The following NECTIN2 variants were observed in gnomAD, a reference collection of about 807,000 sequenced individuals.
NECTIN2 encodes nectin cell adhesion molecule 2.
NECTIN2 carries 23 observed loss-of-function variants against 56.9 expected under a neutral mutation model. The observed-to-expected ratio is 0.40, with a 90% CI of 0.29 to 0.57. NECTIN2 has a LOEUF of 0.57. NECTIN2 is among the 20% of genes least tolerant of loss of function. The probability of loss-of-function intolerance (pLI) is 0.38; values close to 1 mark genes in which losing one functional copy is unlikely to be tolerated. For missense variants in NECTIN2, 587 were observed against 718.3 expected (o/e 0.82, Z 2.09); for synonymous variants, 302 against 313.8 (o/e 0.96, Z 0.40).
At chr19:44,882,690 CAA>C (rs35741405) in intron 6 of NECTIN2, among the ~76,000 whole-genome samples, 63 of 38,320 alleles carry the variant, frequency 1.6e-3, no homozygotes, top group African/African-American at 5.6e-3. Flanking sequence ...CCCCCATCTA[CAA>C]AAAAAAAAAA....
In NECTIN2 at chr19:44,871,981, G is replaced by A. The variant is rs556933455; in HGVS notation, c.607G>A (p.Glu203Lys). 5.8e-5 allele frequency: 94 copies of A among 1,614,154 alleles called. No individual in the cohort carries two copies. In the Middle Eastern group the frequency reaches 5.8e-3, roughly 99 times the overall value. Residue 203 changes from glutamate to lysine, a missense_variant, in exon 3 of 9, where the codon GAA becomes AAA. Glu to Lys is a moderately conservative substitution (Grantham distance 56). Transcript: ENST00000252483. Reference protein sequence around the residue: ...RISWLSSLDWEAKETQVSGTL... With the variant: ...RISWLSSLDWKAKETQVSGTL... ...CTCCTGGCTCTCATCCCTGGACTGG[G>A]AAGCCAAAGAGACTCAGGTGTCAGG...
At chr19:44,884,300 C>T (rs2122713149) in intron 6 of NECTIN2, among the ~76,000 whole-genome samples, 1 of 152,030 alleles carries the variant, frequency 6.6e-6, no homozygotes, top group South Asian at 2.1e-4. Context: ...TAAATGGGAC[C>T]ACGTACCACC....
intron 2 of NECTIN2, among the ~76,000 whole-genome samples, chr19:44,870,282 G>A (rs3852857): frequency 1.6e-4 from 24 of 152,042 alleles, no homozygotes; most frequent in African/African-American, 5.8e-4. Context: ...CGGGCCCTGA[G>A]TCACTATTCT....
chr19:44,858,677 CTG>C (rs998042756), intron 1 of NECTIN2, among the ~76,000 whole-genome samples: 26 of 151,732 alleles, frequency 1.7e-4, no homozygotes, highest in African/African-American at 6.1e-4. Flanking sequence ...GAGTCTCTCT[CTG>C]TCACCCAGGC....
intron 8 of NECTIN2, among the ~76,000 whole-genome samples, chr19:44,887,663 G>A (rs1011134095): frequency 6.6e-6 from 1 of 152,022 alleles, no homozygotes; most frequent in Admixed American, 6.6e-5. Context: ...AAAAAAAACA[G>A]AATGAAAGAA....
chr19:44,885,939 T>G lies in NECTIN2; in HGVS notation c.1199T>G (p.Leu400Arg). ...TTGTCCTACCTCCTACCCCACAGCC[T>G]GGAGGGACCTCCCTCCTACAAGCCA... ...TLQGAEEDED[L>R]EGPPSYKPPT... Residue 400 changes from leucine to arginine, a missense_variant and splice_region_variant, in exon 7 of 9, where the codon CTG (leucine) becomes CGG (arginine). By Grantham distance (102) the Leu-to-Arg change is moderately radical. Transcript: ENST00000252483. The G allele has an allele frequency of 6.3e-7, 1 of 1,579,778 alleles. No homozygotes were observed. Among genetic ancestry groups the G allele is most frequent in the South Asian group, 1.1e-5 (1 of 90,338 alleles).
chr19:44,871,780 C>T, intron 2 of NECTIN2, 73 bp from the exon 3 acceptor site: 2 of 1,510,916 alleles, frequency 1.3e-6, no homozygotes, highest in African/African-American at 1.4e-5. Flanking sequence ...CCTAACCACC[C>T]TGCTCCTCTG....
In NECTIN2 at chr19:44,865,238, C is replaced by A; in HGVS notation, c.89-33C>A. On this transcript the variant is annotated intron_variant, in intron 1 of 8. Coordinates refer to ENST00000252483, the MANE Select transcript of NECTIN2 (RefSeq NM_001042724.2). The surrounding 1 kb of genome is among the most constrained non-coding windows in gnomAD (Gnocchi z 5.2). ...GGAGGTGTCTGGGTCCCTCCCCCAC[C>A]CGACTACTTCACTCTCTGTCCTCTC... 1 of 1,566,122 alleles carries A rather than the reference C, an allele frequency of 6.4e-7. No individual in the cohort carries two copies. The highest frequency in any genetic ancestry group is 8.7e-7 in the Non-Finnish European group (1 of 1,151,784).
At chr19:44,880,264 T>C (rs1969293210) in intron 5 of NECTIN2, among the ~76,000 whole-genome samples, 1 of 151,218 alleles carries the variant, frequency 6.6e-6, no homozygotes, top group Non-Finnish European at 1.5e-5. Context: ...AGTGCCATGC[T>C]GAGTCCTCCT....
intron 3 of NECTIN2, 87 bp downstream of exon 3, chr19:44,872,236 G>T: frequency 6.8e-7 from 1 of 1,464,996 alleles, no homozygotes. Context: ...TCTGAATGTT[G>T]TCTACGTGGG....
chr19:44,857,207 C>T (rs1001378939), intron 1 of NECTIN2, among the ~76,000 whole-genome samples: 2 of 149,924 alleles, frequency 1.3e-5, no homozygotes, highest in Non-Finnish European at 3.0e-5. Flanking sequence ...CCAAATAAAC[C>T]CTTTGACTAG....
Position 44,872,093 on chromosome 19 carries a change from T to G in NECTIN2, c.719T>G (p.Val240Gly). 1 of 1,614,152 alleles carries G rather than the reference T, an allele frequency of 6.2e-7. No homozygotes were observed. Among genetic ancestry groups the G allele is most frequent in the Non-Finnish European group, 8.5e-7 (1 of 1,180,022 alleles). Residue 240 changes from valine to glycine, a missense_variant, in exon 3 of 9, where the codon GTG (valine) becomes GGG (glycine). Physicochemically the swap from Val to Gly is moderately radical, Grantham distance 109. Transcript: ENST00000252483. ...GATGGTGTCACGGTCACCTGCAAAGTGGAGCATGAGAGCTTCGAGGAACCA... is the reference window on the plus strand; with the variant it reads ...GATGGTGTCACGGTCACCTGCAAAGGGGAGCATGAGAGCTTCGAGGAACCA... The part of the protein sequence containing the change: ...RADGVTVTCK[V>G]EHESFEEPAL...
intron 3 of NECTIN2, among the ~76,000 whole-genome samples, chr19:44,873,319 C>T (rs1272855289): frequency 6.6e-6 from 1 of 152,164 alleles, no homozygotes; most frequent in East Asian, 1.9e-4. Context: ...CCTGTTTTGA[C>T]ATCCTCCCTC....
At chr19:44,870,245 G>T (rs112581907) in intron 2 of NECTIN2, among the ~76,000 whole-genome samples, 1 of 152,192 alleles carries the variant, frequency 6.6e-6, no homozygotes, top group African/African-American at 2.4e-5. Context: ...GTGGCCAGGG[G>T]AGGTGGCCAT....
At chr19:44,850,261 G>A (rs1968884739) in intron 1 of NECTIN2, among the ~76,000 whole-genome samples, 1 of 152,010 alleles carries the variant, frequency 6.6e-6, no homozygotes, top group Non-Finnish European at 1.5e-5. Flanking sequence ...AGAGGGACAG[G>A]GACCCTAAGA....
intron 1 of NECTIN2, among the ~76,000 whole-genome samples, chr19:44,851,430 C>T (rs1262923004): frequency 6.6e-6 from 1 of 151,620 alleles, no homozygotes; most frequent in East Asian, 1.9e-4. Context: ...CCCCAGCCCC[C>T]TCCTTTCTCA....
At chr19:44,867,300 G>A (rs1209361414) in intron 2 of NECTIN2, among the ~76,000 whole-genome samples, 1 of 152,026 alleles carries the variant, frequency 6.6e-6, no homozygotes, top group African/African-American at 2.4e-5. Context: ...GGGATTATAG[G>A]CATGAGCCAC....
chr19:44,867,387 G>T (rs959770956), intron 2 of NECTIN2, among the ~76,000 whole-genome samples: 2 of 152,170 alleles, frequency 1.3e-5, no homozygotes, highest in Non-Finnish European at 2.9e-5. Context: ...TCAGCTACTC[G>T]AGAGACTGAG....
chr19:44,888,411 C>T lies in NECTIN2; in HGVS notation c.*32C>T. 1.9e-6 allele frequency: 3 copies of T among 1,592,674 alleles called. No homozygotes were observed. The highest frequency in any genetic ancestry group is 1.7e-5 in the Admixed American group (1 of 58,874). On this transcript the variant is annotated 3_prime_UTR_variant, in exon 9 of 9. Transcript: ENST00000252483. ...ATGCGCCTGGCGTCTCACATCTCAC[C>T]TGTTGATCCCTTAGCTTTCTTGCCA...
Sources: allele counts gnomAD v4.1 joint callset (sites outside exome capture counted in the v4.1 genomes callset), GRCh38; gene constraint gnomAD v4.1.1; non-coding constraint Gnocchi (gnomAD v3.1); transcripts MANE v1.5; gene names NCBI Gene and HGNC (gene_info 2026-07-23, HGNC 2026-07-21).